RBM27: variants seen among roughly 807,000 people sequenced by gnomAD.
RBM27 encodes the protein RNA binding motif protein 27.
A neutral mutation model predicts 135.3 loss-of-function variants in RBM27; 22 were observed. The ratio of observed to expected loss-of-function variants is 0.16; its 90% confidence interval spans 0.12 to 0.23. The LOEUF (loss-of-function observed/expected upper bound fraction) is 0.23, where lower values mean the gene tolerates loss of function less well. Among genes scored for constraint, RBM27 ranks in the 10% least tolerant of loss-of-function variants. The pLI is 1.00. For synonymous variants in RBM27, 481 were observed against 442.4 expected (o/e 1.09, Z -1.10); for missense variants, 1,009 against 1,281.0 (o/e 0.79, Z 3.24).
At chr5:146,244,349 C>T (rs1757529569) in intron 8 of RBM27, among the ~76,000 whole-genome samples, 1 of 151,630 alleles carries the variant, frequency 6.6e-6, no homozygotes, top group Non-Finnish European at 1.5e-5. Flanking sequence ...GAAGTAAGAC[C>T]CTGTCTTAAA....
At chr5:146,277,272 A>G (rs1013170311) in intron 19 of RBM27, among the ~76,000 whole-genome samples, 1 of 152,160 alleles carries the variant, frequency 6.6e-6, no homozygotes, top group Non-Finnish European at 1.5e-5. Flanking sequence ...TGTATCTGTC[A>G]TATGTATACA....
intron 19 of RBM27, 115 bp downstream of exon 19, chr5:146,271,789 A>G (rs1758877294): frequency 1.1e-6 from 1 of 913,774 alleles, no homozygotes; most frequent in South Asian, 2.0e-5. Flanking sequence ...AGTTGTAAAA[A>G]ACATGAGTAC....
At chr5:146,220,479 A>AG (rs1051424285) in intron 2 of RBM27, among the ~76,000 whole-genome samples, 1 of 135,456 alleles carries the variant, frequency 7.4e-6, no homozygotes, top group Non-Finnish European at 1.6e-5. Context: ...CATCTCAAAA[A>AG]AAAAAAAAAA....
rs777182109 is a variant in RBM27, at chr5:146,237,413, C to T, written c.1260C>T (p.Leu420=). The T allele has an allele frequency of 6.2e-7, 1 of 1,614,048 alleles. No homozygotes were observed. The highest frequency in any genetic ancestry group is 1.1e-5 in the South Asian group (1 of 91,082). ...TACCTCCTCCTTTACCCCAGAACCT[C>T]CTTTACACAGTATCAGAACGTAAGT... ...TRLPPPLPQN[L]LYTVSERQPM... is the part of the protein sequence containing the mutation. Residue 420 remains leucine, a synonymous_variant, in exon 8 of 21, where the codon CTC becomes CTT. Coordinates refer to ENST00000265271, the MANE Select transcript of RBM27 (RefSeq NM_018989.2).
chr5:146,266,292 C>G (rs1272700295), intron 14 of RBM27, among the ~76,000 whole-genome samples: 3 of 152,112 alleles, frequency 2.0e-5, no homozygotes, highest in African/African-American at 7.2e-5. Flanking sequence ...GATGAGTGAC[C>G]TGGTTTCTTC....
intron 14 of RBM27, among the ~76,000 whole-genome samples, 199 bp downstream of exon 14, chr5:146,263,830 C>T (rs1302630012): frequency 1.3e-5 from 2 of 152,018 alleles, no homozygotes; most frequent in Admixed American, 6.6e-5. Context: ...GGAGGCTGGG[C>T]GTGGTGGCTC....
intron 1 of RBM27, among the ~76,000 whole-genome samples, chr5:146,214,931 C>T (rs576595866): frequency 6.6e-6 from 1 of 152,256 alleles, no homozygotes; most frequent in South Asian, 2.1e-4. Flanking sequence ...TTTTACTTTC[C>T]TGTATATTCA....
intron 3 of RBM27, among the ~76,000 whole-genome samples, chr5:146,223,961 T>C (rs907232907): frequency 6.6e-6 from 1 of 152,160 alleles, no homozygotes; most frequent in African/African-American, 2.4e-5. Flanking sequence ...ACTGTCAACA[T>C]TGGAAAGAGG....
intron 1 of RBM27, among the ~76,000 whole-genome samples, chr5:146,213,783 G>T (rs1028972357): frequency 8.5e-5 from 13 of 152,142 alleles, no homozygotes; most frequent in Admixed American, 3.9e-4. Context: ...AGGGGAAAAA[G>T]ATAAATTTGA....
intron 14 of RBM27, among the ~76,000 whole-genome samples, chr5:146,264,023 C>T (rs1758508126): frequency 1.3e-5 from 2 of 151,070 alleles, no homozygotes; most frequent in African/African-American, 2.4e-5. Context: ...ACGAGAATCA[C>T]TTGAACCCGA....
intron 19 of RBM27, among the ~76,000 whole-genome samples, chr5:146,276,072 T>C (rs1013375887): frequency 3.9e-5 from 6 of 152,128 alleles, no homozygotes; most frequent in Admixed American, 3.9e-4. Context: ...TGGCTAGTTT[T>C]TTTTTCTTTT....
chr5:146,275,458 G>A (rs1288225536), intron 19 of RBM27, among the ~76,000 whole-genome samples: 3 of 151,642 alleles, frequency 2.0e-5, no homozygotes, highest in Admixed American at 6.6e-5. Context: ...TAGTAGAGAC[G>A]GGTTTCACCA....
In RBM27 at chr5:146,265,585, C is replaced by T. The variant is rs1047130063; in HGVS notation, c.2331+1954C>T. 1.1e-4 allele frequency among the ~76,000 whole-genome samples: 16 copies of T among 152,168 alleles called. 1 individual carries two copies. The highest frequency in any genetic ancestry group is 3.6e-4 in the African/African-American group (15 of 41,544). On this transcript the variant is annotated intron_variant, in intron 14 of 20. Coordinates refer to ENST00000265271, the MANE Select transcript of RBM27 (RefSeq NM_018989.2). Reference sequence around the variant, plus strand: ...AAATTAAATGAAATAGAAGTAATCCCTAAAAAGTGAAAAGAAAAGTGAAAC... The same window carrying T: ...AAATTAAATGAAATAGAAGTAATCCTTAAAAAGTGAAAAGAAAAGTGAAAC...
intron 10 of RBM27, among the ~76,000 whole-genome samples, chr5:146,257,715 G>T (rs1237567691): frequency 2.0e-5 from 3 of 151,918 alleles, no homozygotes; most frequent in Non-Finnish European, 4.4e-5. Context: ...TGAACTTCTT[G>T]TTGAATCATA....
At chr5:146,263,759 A>T in intron 14 of RBM27, 128 bp downstream of exon 14, 1 of 1,099,952 alleles carries the variant, frequency 9.1e-7, no homozygotes, top group Non-Finnish European at 1.3e-6. Flanking sequence ...ATACCTCTCT[A>T]GTTTCCATGT....
chr5:146,228,574 G>A (rs1052787962), intron 3 of RBM27, among the ~76,000 whole-genome samples: 1 of 151,492 alleles, frequency 6.6e-6, no homozygotes, highest in Non-Finnish European at 1.5e-5. Flanking sequence ...GAATCACTGC[G>A]CCCGGCCGAG....
intron 7 of RBM27, 134 bp from the exon 8 acceptor site, chr5:146,237,163 TC>T (rs1177271329): frequency 1.1e-5 from 11 of 970,684 alleles, no homozygotes; most frequent in Non-Finnish European, 1.7e-5. Context: ...GGTCTCGAAC[TC>T]CTGACCTCAG....
chr5:146,279,839 A>G (rs537294244), intron 19 of RBM27, among the ~76,000 whole-genome samples: 17 of 152,042 alleles, frequency 1.1e-4, no homozygotes, highest in African/African-American at 4.1e-4. Context: ...ATGACTAATA[A>G]AAGTAAAATC....
chr5:146,241,969 T>C (rs1435966973), intron 8 of RBM27, among the ~76,000 whole-genome samples: 1 of 152,140 alleles, frequency 6.6e-6, no homozygotes, highest in Non-Finnish European at 1.5e-5. Flanking sequence ...TTTAAAATTT[T>C]TAGTAGGCAC....
Sources: allele counts gnomAD v4.1 joint callset (sites outside exome capture counted in the v4.1 genomes callset), GRCh38; gene constraint gnomAD v4.1.1; transcripts MANE v1.5; gene names NCBI Gene and HGNC (gene_info 2026-07-23, HGNC 2026-07-21).